CCSER1: variants seen among roughly 807,000 people sequenced by gnomAD.
CCSER1 encodes the protein serine-rich coiled-coil domain-containing protein 1.
A neutral mutation model predicts 82.0 loss-of-function variants in CCSER1; 41 were observed. The observed-to-expected ratio is 0.50, with a 90% CI of 0.39 to 0.65. CCSER1 has a LOEUF of 0.65. Ranked by LOEUF, CCSER1 falls within the 30% of genes least tolerant of loss-of-function variation. The probability of loss-of-function intolerance (pLI) is 0.00; values close to 1 mark genes in which losing one functional copy is unlikely to be tolerated. For missense variants in CCSER1, 1,119 were observed against 1,064.2 expected (o/e 1.05, Z -0.72); for synonymous variants, 414 against 383.9 (o/e 1.08, Z -0.92).
intron 3 of CCSER1, among the ~76,000 whole-genome samples, chr4:90,369,236 G>A (rs112054071): frequency 3.5e-5 from 5 of 142,484 alleles, no homozygotes; most frequent in Non-Finnish European, 6.1e-5. Flanking sequence ...GGAGGAAAAG[G>A]AGAAGGACAA....
At position 91,140,974 on chromosome 4, in the gene CCSER1, T is replaced by A. The variant is rs548516734; in HGVS notation, c.2217+54980T>A. On this transcript the variant is annotated intron_variant, in intron 10 of 10. Transcript: ENST00000509176. Reference sequence around the variant, plus strand: ...CCTGGCACCCCTCCTTCCCTCCCAGTTTTTATAGTACCCAGTGTCTACTGT... The same window carrying A: ...CCTGGCACCCCTCCTTCCCTCCCAGATTTTATAGTACCCAGTGTCTACTGT... Among the ~76,000 whole-genome samples, 7 of 152,092 alleles carry A rather than the reference T, an allele frequency of 4.6e-5. No homozygotes were observed. In the East Asian group the frequency reaches 9.7e-4, roughly 21 times the overall value.
chr4:91,361,974 A>C (rs773170334), intron 10 of CCSER1, among the ~76,000 whole-genome samples: 1 of 151,850 alleles, frequency 6.6e-6, no homozygotes, highest in East Asian at 1.9e-4. Context: ...GTTACAAAAA[A>C]CCTCTCTGAG....
At chr4:90,613,100 T>C (rs940097326) in intron 5 of CCSER1, among the ~76,000 whole-genome samples, 7 of 152,152 alleles carry the variant, frequency 4.6e-5, no homozygotes, top group African/African-American at 1.7e-4. Context: ...ACATTTATAC[T>C]TTAGTCTTAG....
chr4:90,800,342 ATCT>A (rs1480829202), intron 7 of CCSER1, among the ~76,000 whole-genome samples: 2 of 152,128 alleles, frequency 1.3e-5, no homozygotes, highest in African/African-American at 4.8e-5. Flanking sequence ...GGCTCAGGAA[ATCT>A]TCCGCCTTGT....
At chr4:90,661,753 A>G (rs1730827422) in intron 6 of CCSER1, among the ~76,000 whole-genome samples, 1 of 152,036 alleles carries the variant, frequency 6.6e-6, no homozygotes, top group Non-Finnish European at 1.5e-5. Context: ...AAATGCAGAG[A>G]TTTTATACAC....
At chr4:91,477,069 G>T (rs1020630837) in intron 10 of CCSER1, among the ~76,000 whole-genome samples, 8 of 151,612 alleles carry the variant, frequency 5.3e-5, no homozygotes, top group Non-Finnish European at 5.9e-5. Flanking sequence ...TTGACAAATG[G>T]ATTACATCAT....
intron 5 of CCSER1, among the ~76,000 whole-genome samples, chr4:90,601,276 G>C (rs897563690): frequency 1.3e-5 from 2 of 151,594 alleles, no homozygotes; most frequent in African/African-American, 4.8e-5. Flanking sequence ...TAAGTATGCT[G>C]TTAGCTCTGT....
At chr4:91,325,607 C>A (rs1179085530) in intron 10 of CCSER1, among the ~76,000 whole-genome samples, 3 of 152,160 alleles carry the variant, frequency 2.0e-5, no homozygotes, top group African/African-American at 4.8e-5. Context: ...ATCTCAGCAG[C>A]AAGATTCTGG....
chr4:91,279,015 A>G lies in CCSER1; in HGVS notation c.2217+193021A>G, dbSNP rs534923076. Among the ~76,000 whole-genome samples the G allele has an allele frequency of 5.3e-5, 8 of 151,902 alleles. No individual in the cohort carries two copies. In the East Asian group the frequency reaches 1.2e-3, roughly 22 times the overall value. ...AAAGACTATCTCTTCTTCGTTTATG[A>G]AGGATAAATTTGCTGTATAGCATGT... On this transcript the variant is annotated intron_variant, in intron 10 of 10. Coordinates refer to ENST00000509176, the MANE Select transcript of CCSER1 (RefSeq NM_001145065.2).
chr4:90,490,300 T>C (rs1336200567), intron 5 of CCSER1, among the ~76,000 whole-genome samples: 1 of 152,212 alleles, frequency 6.6e-6, no homozygotes, highest in East Asian at 1.9e-4. Flanking sequence ...TCATGTGTCT[T>C]TTGGCTGCAT....
At chr4:90,308,168 G>A (rs116084749) in intron 1 of CCSER1, 76 bp from the exon 2 acceptor site, 32,746 of 1,101,872 alleles carry the variant, frequency 0.03, 589 homozygotes, top group Non-Finnish European at 0.034. Flanking sequence ...GTCTCGAAAA[G>A]CAATATTTTG....
intron 4 of CCSER1, among the ~76,000 whole-genome samples, chr4:90,429,565 A>C (rs1757993338): frequency 6.6e-6 from 1 of 151,896 alleles, no homozygotes; most frequent in Admixed American, 6.6e-5. Context: ...AGTTTGTGAT[A>C]GCAACTGGCA....
intron 10 of CCSER1, among the ~76,000 whole-genome samples, chr4:91,446,004 T>C (rs1755531284): frequency 6.6e-6 from 1 of 152,216 alleles, no homozygotes; most frequent in African/African-American, 2.4e-5. Flanking sequence ...GCTTAGAATA[T>C]ATATTATAAA....
chr4:91,169,101 T>C (rs1264208775), intron 10 of CCSER1, among the ~76,000 whole-genome samples: 1 of 151,740 alleles, frequency 6.6e-6, no homozygotes, highest in Non-Finnish European at 1.5e-5. Context: ...ACCAGAGACC[T>C]TTGTTCATGT....
intron 6 of CCSER1, among the ~76,000 whole-genome samples, chr4:90,720,782 T>C (rs1159130521): frequency 6.6e-6 from 1 of 152,012 alleles, no homozygotes; most frequent in Non-Finnish European, 1.5e-5. Flanking sequence ...AATGAGTACA[T>C]GTTTGTATTT....
chr4:90,245,134 A>G (rs1035273874), intron 1 of CCSER1, among the ~76,000 whole-genome samples: 1 of 152,178 alleles, frequency 6.6e-6, no homozygotes, highest in African/African-American at 2.4e-5. Flanking sequence ...TTAAAGTGAT[A>G]TATTTGATGC....
chr4:90,381,120 T>TC (rs1749140515), intron 3 of CCSER1, among the ~76,000 whole-genome samples: 1 of 152,224 alleles, frequency 6.6e-6, no homozygotes, highest in East Asian at 1.9e-4. Flanking sequence ...CAAGGATTGT[T>TC]CAGTGAGGGC....
At chr4:90,291,385 A>T (rs989760550) in intron 1 of CCSER1, among the ~76,000 whole-genome samples, 23 of 152,012 alleles carry the variant, frequency 1.5e-4, no homozygotes, top group African/African-American at 5.6e-4. Context: ...ATGTTCCAAG[A>T]TGCAAAATCC....
intron 3 of CCSER1, among the ~76,000 whole-genome samples, chr4:90,331,389 A>G (rs1739253772): frequency 6.6e-6 from 1 of 152,176 alleles, no homozygotes; most frequent in African/African-American, 2.4e-5. Context: ...TGCATTAGGT[A>G]CTATTTTAGG....
Sources: allele counts gnomAD v4.1 joint callset (sites outside exome capture counted in the v4.1 genomes callset), GRCh38; gene constraint gnomAD v4.1.1; transcripts MANE v1.5; gene names NCBI Gene and HGNC (gene_info 2026-07-23, HGNC 2026-07-21).